The following KLB variants were observed in gnomAD, a reference collection of about 807,000 sequenced individuals.
KLB encodes klotho beta, also known as beta-klotho.
In KLB, 44 loss-of-function variants were observed where a neutral mutation model predicts 88.4. That is an observed-to-expected ratio of 0.50 (90% CI 0.39 to 0.64). The LOEUF is 0.64. Among genes scored for constraint, KLB ranks in the 30% least tolerant of loss-of-function variants. The pLI is 0.00. For synonymous variants in KLB, 548 were observed against 513.4 expected, an observed-to-expected ratio of 1.07 and a Z score of -0.91; for missense variants, 1,137 against 1,304.8, an observed-to-expected ratio of 0.87 and a Z score of 1.98.
Position 39,407,716 on chromosome 4 carries a change from C to T in KLB, c.767C>T (p.Ala256Val), listed in dbSNP as rs139407988. Residue 256 changes from alanine (A) to valine (V), a missense_variant, in exon 1 of 5, where the codon GCC becomes GTC. Transcript: ENST00000257408. Reference sequence around the variant, plus strand: ...CATGGGTATGGGACAGGTATGCATGCCCCTGGAGAGAAGGGAAATTTAGCA... The same window carrying T: ...CATGGGTATGGGACAGGTATGCATGTCCCTGGAGAGAAGGGAAATTTAGCA... ...AWHGYGTGMHAPGEKGNLAAV... is the reference protein window; with the variant it reads ...AWHGYGTGMHVPGEKGNLAAV... The T allele has an allele frequency of 9.3e-6, 15 of 1,609,082 alleles. No individual in the cohort carries two copies. Among genetic ancestry groups the T allele is most frequent in the Non-Finnish European group, 1.2e-5 (14 of 1,175,772 alleles).
At chr4:39,447,612 C>A in intron 4 of KLB, 137 bp downstream of exon 4, 1 of 690,790 alleles carries the variant, frequency 1.4e-6, no homozygotes, top group Non-Finnish European at 2.2e-6. Flanking sequence ...GAATTTTGTC[C>A]TGAAAACTGG....
At position 39,407,699 on chromosome 4, in the gene KLB, T is replaced by C; in HGVS notation, c.750T>C (p.Tyr250=). 1 of 1,614,110 alleles carries C rather than the reference T, an allele frequency of 6.2e-7. No individual in the cohort carries two copies. ...CATATCTAGTGGCTTGGCATGGGTA[T>C]GGGACAGGTATGCATGCCCCTGGAG... is the stretch of plus-strand genomic sequence containing the variant. ...HNPYLVAWHG[Y]GTGMHAPGEK... Residue 250 remains tyrosine, a synonymous_variant, in exon 1 of 5, where the codon TAT becomes TAC. Transcript: ENST00000257408.
At chr4:39,428,493 A>G (rs1023651814) in intron 1 of KLB, among the ~76,000 whole-genome samples, 4 of 152,146 alleles carry the variant, frequency 2.6e-5, no homozygotes, top group African/African-American at 7.2e-5. Context: ...ATGAAAGGCA[A>G]TGATTCAAAT....
At chr4:39,432,939 C>T (rs138878245) in intron 1 of KLB, among the ~76,000 whole-genome samples, 8 of 150,740 alleles carry the variant, frequency 5.3e-5, no homozygotes, top group African/African-American at 2.0e-4. Context: ...AGTGCGGTGG[C>T]ACCATCTCTG....
chr4:39,428,390 T>C (rs566641661), intron 1 of KLB, among the ~76,000 whole-genome samples: 1 of 149,226 alleles, frequency 6.7e-6, no homozygotes, highest in East Asian at 2.0e-4. Context: ...ATCACACCAT[T>C]GCACTCCAGC....
At chr4:39,427,883 T>A (rs1743255408) in intron 1 of KLB, among the ~76,000 whole-genome samples, 1 of 152,184 alleles carries the variant, frequency 6.6e-6, no homozygotes, top group African/African-American at 2.4e-5. Flanking sequence ...TCTTTGACAG[T>A]GAAATGATCT....
At chr4:39,438,577 C>A (rs955903504) in intron 3 of KLB, among the ~76,000 whole-genome samples, 4 of 152,178 alleles carry the variant, frequency 2.6e-5, no homozygotes, top group Non-Finnish European at 5.9e-5. Flanking sequence ...GTACTCGCCA[C>A]CACCTGACAT....
Position 39,446,745 on chromosome 4 carries a change from C to A in KLB, c.2019C>A (p.Tyr673Ter), listed in dbSNP as rs200390882. 8 of 1,606,514 alleles carry A rather than the reference C, an allele frequency of 5.0e-6. No individual in the cohort carries two copies. The East Asian group carries it at 1.8e-4, about 36-fold the overall frequency. ...CGACGGCCGAGGCCTTCCAGGCCTA[C>A]GCTGGGCTGTGCTTCCAGGAGCTGG... Reference protein sequence around the residue: ...NPSTAEAFQAYAGLCFQELGD... With the variant: ...NPSTAEAFQA The change falls in exon 4 of 5, where the codon TAC becomes TAA. Residue 673 changes from tyrosine to a stop codon, truncating the protein, a stop_gained. Coordinates refer to ENST00000257408, the MANE Select transcript of KLB (RefSeq NM_175737.4). LOFTEE classifies it high-confidence loss of function. The surrounding 1 kb of genome is among the most constrained non-coding windows in gnomAD (Gnocchi z 6.4).
chr4:39,448,552 G>A lies in KLB; in HGVS notation c.3001G>A (p.Gly1001Ser). The A allele has an allele frequency of 1.2e-6, 2 of 1,614,174 alleles. No individual in the cohort carries two copies. The highest frequency in any genetic ancestry group is 1.7e-6 in the Non-Finnish European group (2 of 1,180,034). Residue 1001 changes from glycine to serine, a missense_variant, in exon 5 of 5, where the codon GGT (glycine) becomes AGT (serine). Gly to Ser is a moderately conservative substitution (Grantham distance 56). Transcript: ENST00000257408. Reference protein sequence around the residue: ...LVQKKPLIFLGCCFFSTLVLL... With the variant: ...LVQKKPLIFLSCCFFSTLVLL... ...GCAGAAGAAACCACTGATATTCCTG[G>A]GTTGTTGCTTCTTCTCCACCCTGGT...
intron 1 of KLB, among the ~76,000 whole-genome samples, chr4:39,416,015 A>G (rs978520750): frequency 2.6e-5 from 4 of 152,148 alleles, no homozygotes; most frequent in East Asian, 3.9e-4. Flanking sequence ...TAGGCATTCA[A>G]TGAGTAATTG....
intron 1 of KLB, among the ~76,000 whole-genome samples, chr4:39,418,420 G>T (rs1477432653): frequency 1.3e-5 from 2 of 151,802 alleles, no homozygotes; most frequent in African/African-American, 4.8e-5. Context: ...TGTACTTTTA[G>T]TAGAGATGGG....
intron 1 of KLB, among the ~76,000 whole-genome samples, chr4:39,415,162 C>G (rs1742941054): frequency 6.6e-6 from 1 of 152,072 alleles, no homozygotes; most frequent in South Asian, 2.1e-4. Flanking sequence ...ATAGACCCGC[C>G]TCGGCCTCTC....
intron 1 of KLB, among the ~76,000 whole-genome samples, chr4:39,432,051 C>T (rs891994602): frequency 1.3e-5 from 2 of 152,172 alleles, no homozygotes; most frequent in African/African-American, 4.8e-5. Context: ...CTTTGGGAGG[C>T]CGAGGTGTGT....
Position 39,451,089 on chromosome 4 carries a change from TGA to T in KLB, c.*2407_*2408del, listed in dbSNP as rs912115825. The T allele has an allele frequency of 2.0e-5, 3 of 152,216 alleles. No individual in the cohort carries two copies. The highest frequency in any genetic ancestry group is 7.2e-5 in the African/African-American group (3 of 41,454). 9.4% of individuals were successfully genotyped at this position (152,216 alleles called of 1,614,324 possible). A position where few individuals can be genotyped will look rare whatever the true frequency, so the allele number is the denominator to read the frequency against. On this transcript the variant is annotated 3_prime_UTR_variant, in exon 5 of 5. Coordinates refer to ENST00000257408, the MANE Select transcript of KLB (RefSeq NM_175737.4). ...AGTAATAAAATTCCTAACCCAGTAC[TGA>T]GAGTCCTCCTTCTCTGCCACTTGGG... is the stretch of plus-strand genomic sequence containing the variant.
At chr4:39,428,079 C>T (rs560735239) in intron 1 of KLB, among the ~76,000 whole-genome samples, 1 of 152,274 alleles carries the variant, frequency 6.6e-6, no homozygotes, top group African/African-American at 2.4e-5. Flanking sequence ...ACAGAACACT[C>T]ACACCAGTGG....
rs535140357 is a variant in KLB at position 39,439,622 on chromosome 4, G to C, written c.1605+1627G>C. Among the ~76,000 whole-genome samples the C allele has an allele frequency of 2.0e-5, 3 of 150,686 alleles. No individual in the cohort carries two copies. In the South Asian group the frequency reaches 6.3e-4, roughly 32 times the overall value. On this transcript the variant is annotated intron_variant, in intron 3 of 4. Coordinates refer to ENST00000257408, the MANE Select transcript of KLB (RefSeq NM_175737.4). ...TTCTCCTGCCTCAGCCTCCCAAGTA[G>C]CTGGGATTACAGGCACCCGCCACCA...
intron 1 of KLB, among the ~76,000 whole-genome samples, chr4:39,419,287 T>A (rs1169540903): frequency 6.6e-6 from 1 of 152,170 alleles, no homozygotes; most frequent in African/African-American, 2.4e-5. Flanking sequence ...TTAAACAGCT[T>A]GATTTGATAT....
intron 1 of KLB, among the ~76,000 whole-genome samples, chr4:39,430,441 G>A (rs1259396846): frequency 6.9e-6 from 1 of 144,316 alleles, no homozygotes; most frequent in African/African-American, 2.5e-5. Flanking sequence ...AAGAATTTCT[G>A]TCGTGATTCT....
chr4:39,437,343 G>A (rs530148905), intron 2 of KLB, among the ~76,000 whole-genome samples: 1 of 151,878 alleles, frequency 6.6e-6, no homozygotes, highest in African/African-American at 2.4e-5. Flanking sequence ...GCTTATCCAC[G>A]AATAAGAACC....
Sources: gnomAD v4.1 joint callset for allele counts (sites outside exome capture counted in the v4.1 genomes callset) on GRCh38, gnomAD v4.1.1 for gene constraint, Gnocchi (gnomAD v3.1) non-coding constraint, MANE v1.5 for transcripts, NCBI Gene and HGNC (gene_info 2026-07-23, HGNC 2026-07-21) for gene names.